The following VPS13C variants were observed in gnomAD, a reference collection of about 807,000 sequenced individuals.
VPS13C encodes the protein intermembrane lipid transfer protein VPS13C.
Under a neutral mutation model 456.8 loss-of-function variants are expected in VPS13C, and 358 were observed. The ratio of observed to expected loss-of-function variants is 0.78; its 90% confidence interval spans 0.72 to 0.86. The LOEUF is 0.86. Among genes scored for constraint, VPS13C ranks in the 40% least tolerant of loss-of-function variants. The pLI, the probability that VPS13C is intolerant of heterozygous loss-of-function variation, is 0.00. For synonymous variants in VPS13C, 1,578 were observed against 1,486.7 expected (o/e 1.06, Z -1.41); for missense variants, 4,818 against 4,385.4 (o/e 1.10, Z -2.79).
At position 61,974,405 on chromosome 15, in the gene VPS13C, T is replaced by C; in HGVS notation, c.2421A>G (p.Ser807=). 6.2e-7 allele frequency: 1 copy of C among 1,611,970 alleles called. No homozygotes were observed. Among genetic ancestry groups the C allele is most frequent in the Non-Finnish European group, 8.5e-7 (1 of 1,178,628 alleles). Residue 807 remains serine (S), a synonymous_variant, in exon 25 of 85, where the codon TCA becomes TCG. Coordinates refer to ENST00000644861, the MANE Select transcript of VPS13C (RefSeq NM_020821.3). Reference sequence around the variant, plus strand: ...TCACATGCATCAAAGGAAGTCCTCCTGACACTTTAAATCTAAAAATACAAT... The same window carrying C: ...TCACATGCATCAAAGGAAGTCCTCCCGACACTTTAAATCTAAAAATACAAT... ...KDIRMARFKV[S]GGLPLMHVRI... is the part of the protein sequence containing the mutation.
chr15:61,860,593 CAT>C (rs1263476526), intron 82 of VPS13C, among the ~76,000 whole-genome samples: 2 of 152,042 alleles, frequency 1.3e-5, no homozygotes, highest in East Asian at 3.9e-4. Flanking sequence ...TAAATTATAG[CAT>C]ATCTGCAAAT....
At chr15:62,003,500 A>G (rs998463550) in intron 15 of VPS13C, among the ~76,000 whole-genome samples, 1 of 152,078 alleles carries the variant, frequency 6.6e-6, no homozygotes, top group Non-Finnish European at 1.5e-5. Flanking sequence ...TCCTAATTGA[A>G]TACCCTTTAG....
chr15:61,956,352 G>A (rs2044998253), intron 37 of VPS13C, among the ~76,000 whole-genome samples: 1 of 151,756 alleles, frequency 6.6e-6, no homozygotes, highest in Admixed American at 6.6e-5. Flanking sequence ...CTGGGGGAGG[G>A]CTGAAAAACT....
chr15:61,915,791 G>A lies in VPS13C; in HGVS notation c.8287C>T (p.Arg2763Trp), dbSNP rs113234235. The A allele has an allele frequency of 5.0e-6, 8 of 1,613,912 alleles. No homozygotes were observed. The highest frequency in any genetic ancestry group is 3.3e-5 in the South Asian group (3 of 91,080). ...LSVHVRRIGS[R>W]MVLSVFSPYW... is the part of the protein sequence containing the mutation. ...GGACTAAAGACAGACAGCACCATCC[G>A]GCTGCCAATTCTCCTGACGTGGACT... Residue 2763 changes from arginine (R) to tryptophan (W), a missense_variant, in exon 61 of 85, where the codon CGG becomes TGG. Physicochemically the swap from Arg to Trp is moderately radical, Grantham distance 101. This residue lies in a region of VPS13C where 4,552 missense variants were observed against 4,130.6 expected (regional missense o/e 1.10). Coordinates refer to ENST00000644861, the MANE Select transcript of VPS13C (RefSeq NM_020821.3).
rs771622572 is a variant in VPS13C at position 62,041,336 on chromosome 15, C to A, written c.175G>T (p.Ala59Ser). ...SELDVPFKVK[A>S]GQIDKLTLKI... ...CTAAAGTACTTACCAATTTGGCCAG[C>A]CTTGACTTTAAAAGGAACATCCAAT... The change falls in exon 3 of 85, where the codon GCT becomes TCT. Residue 59 changes from alanine to serine, a missense_variant. This residue lies in a region of VPS13C where 4,552 missense variants were observed against 4,130.6 expected (regional missense o/e 1.10). Coordinates refer to ENST00000644861, the MANE Select transcript of VPS13C (RefSeq NM_020821.3). The A allele has an allele frequency of 6.2e-7, 1 of 1,607,002 alleles. No homozygotes were observed.
rs1401270777 is a variant in VPS13C at position 61,984,852 on chromosome 15, C to T, written c.1721+5G>A. On this transcript the variant is annotated splice_donor_5th_base_variant and intron_variant, in intron 19 of 84. Transcript: ENST00000644861. ...AAAAATTGAAATAAGTTTTTAAAAA[C>T]TTACTTAAGTGCTTGTGCTCCTGGT... 2 of 1,611,850 alleles carry T rather than the reference C, an allele frequency of 1.2e-6. No homozygotes were observed. Among genetic ancestry groups the T allele is most frequent in the Non-Finnish European group, 1.7e-6 (2 of 1,179,202 alleles).
intron 15 of VPS13C, among the ~76,000 whole-genome samples, chr15:62,004,841 T>G (rs1486078303): frequency 6.6e-6 from 1 of 152,198 alleles, no homozygotes; most frequent in Non-Finnish European, 1.5e-5. Context: ...TTGAGTGAGA[T>G]TCTTAATACT....
chr15:61,864,970 G>C (rs1318736280), intron 81 of VPS13C: 2 of 982,936 alleles, frequency 2.0e-6, no homozygotes, highest in Non-Finnish European at 2.4e-6. Flanking sequence ...TTAGTTATTA[G>C]GCTATTGTGC....
intron 39 of VPS13C, 31 bp from the exon 40 acceptor site, chr15:61,951,055 T>C: frequency 1.4e-6 from 2 of 1,419,354 alleles, no homozygotes; most frequent in Middle Eastern, 1.9e-4. Flanking sequence ...AGTTGATCCA[T>C]CAATTAAACA....
At chr15:61,948,528 A>G (rs2044683461) in intron 42 of VPS13C, among the ~76,000 whole-genome samples, 1 of 151,974 alleles carries the variant, frequency 6.6e-6, no homozygotes, top group South Asian at 2.1e-4. Flanking sequence ...CTAAAAATAT[A>G]AAAAATCAGC....
intron 1 of VPS13C, among the ~76,000 whole-genome samples, chr15:62,047,092 A>T (rs1037833606): frequency 6.6e-6 from 1 of 151,908 alleles, no homozygotes; most frequent in Non-Finnish European, 1.5e-5. Context: ...AATTTTTTCT[A>T]TATCTAGTAT....
intron 15 of VPS13C, among the ~76,000 whole-genome samples, chr15:62,002,175 C>T (rs2046646754): frequency 1.3e-5 from 2 of 152,196 alleles, no homozygotes; most frequent in South Asian, 4.1e-4. Context: ...TCCTCTCCAG[C>T]ACCTGTTGTT....
At chr15:61,889,313 T>C (rs1896500678) in intron 67 of VPS13C, among the ~76,000 whole-genome samples, 1 of 152,076 alleles carries the variant, frequency 6.6e-6, no homozygotes, top group African/African-American at 2.4e-5. Context: ...GCATTGTCTA[T>C]CTACATATAA....
At chr15:62,043,909 A>T (rs1405032797) in intron 2 of VPS13C, among the ~76,000 whole-genome samples, 1 of 152,236 alleles carries the variant, frequency 6.6e-6, no homozygotes, top group Admixed American at 6.5e-5. Flanking sequence ...TTTATCTCAA[A>T]AATACGTAAA....
At position 62,041,330 on chromosome 15, in the gene VPS13C, G is replaced by T; in HGVS notation, c.181C>A (p.Gln61Lys). The change falls in exon 3 of 85, where the codon CAA becomes AAA. Residue 61 changes from glutamine to lysine, a missense_variant. Physicochemically the swap from Gln to Lys is moderately conservative, Grantham distance 53 (BLOSUM62 1). This residue lies in a region of VPS13C where 4,552 missense variants were observed against 4,130.6 expected (regional missense o/e 1.10). Transcript: ENST00000644861. ...LDVPFKVKAG[Q>K]IDKLTLKIPW... Reference sequence around the variant, plus strand: ...TGAAGACTAAAGTACTTACCAATTTGGCCAGCCTTGACTTTAAAAGGAACA... The same window carrying T: ...TGAAGACTAAAGTACTTACCAATTTTGCCAGCCTTGACTTTAAAAGGAACA... The T allele has an allele frequency of 6.2e-7, 1 of 1,606,758 alleles. No homozygotes were observed. Among genetic ancestry groups the T allele is most frequent in the Middle Eastern group, 1.7e-4 (1 of 6,038 alleles).
chr15:61,937,920 G>A (rs1013284488), intron 47 of VPS13C, among the ~76,000 whole-genome samples: 1 of 152,102 alleles, frequency 6.6e-6, no homozygotes, highest in African/African-American at 2.4e-5. Context: ...AGACACAGTG[G>A]CTCCAAAGGC....
intron 47 of VPS13C, among the ~76,000 whole-genome samples, chr15:61,938,813 G>C (rs561903422): frequency 1.3e-5 from 2 of 152,068 alleles, no homozygotes; most frequent in Non-Finnish European, 2.9e-5. Context: ...ACTTCTCTGA[G>C]ACCCTATTCC....
chr15:61,908,006 TG>T (rs1168877004), intron 65 of VPS13C, among the ~76,000 whole-genome samples: 2 of 152,154 alleles, frequency 1.3e-5, no homozygotes, highest in Non-Finnish European at 2.9e-5. Context: ...ACACAAAGTG[TG>T]GTCCGTAAAC....
chr15:61,984,126 C>T, intron 19 of VPS13C, 114 bp from the exon 20 acceptor site: 1 of 911,300 alleles, frequency 1.1e-6, no homozygotes, highest in Non-Finnish European at 1.6e-6. Context: ...CATCCATGCA[C>T]ATTATCCAGA....
Sources: gnomAD v4.1 joint callset for allele counts (sites outside exome capture counted in the v4.1 genomes callset) on GRCh38, gnomAD v4.1.1 for gene constraint, gnomAD v4.1.1 regional missense constraint, MANE v1.5 for transcripts, NCBI Gene and HGNC (gene_info 2026-07-23, HGNC 2026-07-21) for gene names.